The following DGKB variants were observed in gnomAD, a reference collection of about 807,000 sequenced individuals.
The protein encoded by DGKB is 90 kDa diacylglycerol kinase.
DGKB carries 67 observed loss-of-function variants against 114.3 expected under a neutral mutation model. That is an observed-to-expected ratio of 0.59 (90% CI 0.48 to 0.72). The LOEUF (loss-of-function observed/expected upper bound fraction) is 0.72. DGKB is among the 30% of genes least tolerant of loss of function. The pLI is 0.00. For missense variants in DGKB, 907 were observed against 975.2 expected, an observed-to-expected ratio of 0.93 and a Z score of 0.93; for synonymous variants, 398 against 323.1, an observed-to-expected ratio of 1.23 and a Z score of -2.49.
chr7:14,819,628 A>G (rs1197687022), intron 2 of DGKB, among the ~76,000 whole-genome samples: 1 of 152,104 alleles, frequency 6.6e-6, no homozygotes. Flanking sequence ...AATTGCTAGT[A>G]CTACATCCCT....
chr7:14,494,090 C>T (rs998451306), intron 20 of DGKB, among the ~76,000 whole-genome samples: 5 of 151,944 alleles, frequency 3.3e-5, no homozygotes. Context: ...GTATTAGCTT[C>T]AATGTTTCAA....
At chr7:14,246,986 TC>T (rs949111048) in intron 23 of DGKB, among the ~76,000 whole-genome samples, 2 of 152,134 alleles carry the variant, frequency 1.3e-5, no homozygotes, top group Admixed American at 1.3e-4. Flanking sequence ...TATCCTAATT[TC>T]CCCAACTGCT....
chr7:14,953,569 A>C (rs1015162119), intron 1 of DGKB, among the ~76,000 whole-genome samples: 1 of 152,090 alleles, frequency 6.6e-6, no homozygotes, highest in South Asian at 2.1e-4. Context: ...ATAAATGGAG[A>C]TATTAGAAAA....
intron 2 of DGKB, among the ~76,000 whole-genome samples, chr7:14,788,242 C>A (rs1453057413): frequency 6.6e-6 from 1 of 152,192 alleles, no homozygotes; most frequent in South Asian, 2.1e-4. Context: ...CAGAAAGAGC[C>A]CCATCCCTGA....
chr7:14,521,601 TTTAATTTAAAGTAATTG>T (rs1477404728), intron 20 of DGKB, among the ~76,000 whole-genome samples: 1 of 152,218 alleles, frequency 6.6e-6, no homozygotes, highest in East Asian at 1.9e-4. Flanking sequence ...TTCCCAGTTG[TTTAATTTAAAGTAATTG>T]TTATATCTTT....
chr7:14,490,764 C>T (rs577099417), intron 20 of DGKB, among the ~76,000 whole-genome samples: 2 of 152,214 alleles, frequency 1.3e-5, no homozygotes, highest in Middle Eastern at 6.8e-3. Context: ...TTATTCAGCG[C>T]TTCATTCCTG....
intron 23 of DGKB, among the ~76,000 whole-genome samples, chr7:14,293,193 A>G (rs1320819770): frequency 6.6e-6 from 1 of 152,186 alleles, no homozygotes; most frequent in Non-Finnish European, 1.5e-5. Flanking sequence ...TTATTGAATA[A>G]TTTGGGAATA....
chr7:14,736,155 A>T lies in DGKB; in HGVS notation c.208T>A (p.Phe70Ile), dbSNP rs777774130. 2 of 1,606,982 alleles carry T rather than the reference A, an allele frequency of 1.2e-6. No homozygotes were observed. Among genetic ancestry groups the T allele is most frequent in the South Asian group, 1.1e-5 (1 of 90,070 alleles). ...TCATCAGGAAGCTCGGCTTCCAGGA[A>T]TGTCTTCATGAATAGTTTGAAACCT... ...FEGFKLFMKT[F>I]LEAELPDDFT... is the part of the protein sequence containing the mutation. Residue 70 changes from phenylalanine (F) to isoleucine (I), a missense_variant, in exon 5 of 26, where the codon TTC becomes ATC. By Grantham distance (21) the Phe-to-Ile change is conservative. Transcript: ENST00000402815.
At chr7:14,372,543 T>A (rs1416781318) in intron 21 of DGKB, among the ~76,000 whole-genome samples, 3 of 152,180 alleles carry the variant, frequency 2.0e-5, no homozygotes, top group Non-Finnish European at 2.9e-5. Context: ...AAGTACCACC[T>A]TGATAAATAT....
intron 23 of DGKB, among the ~76,000 whole-genome samples, chr7:14,321,464 A>G (rs1349440013): frequency 6.6e-6 from 1 of 152,164 alleles, no homozygotes; most frequent in African/African-American, 2.4e-5. Context: ...TGTATCCATA[A>G]AAGTATACAA....
At chr7:14,218,569 G>A (rs1288122541) in intron 23 of DGKB, among the ~76,000 whole-genome samples, 1 of 152,008 alleles carries the variant, frequency 6.6e-6, no homozygotes, top group Non-Finnish European at 1.5e-5. Flanking sequence ...ATGAATACCT[G>A]ATCTGCTTTG....
chr7:14,843,580 C>T lies in DGKB; in HGVS notation c.-187-2130G>A, dbSNP rs192109214. Among the ~76,000 whole-genome samples the T allele has an allele frequency of 8.3e-3, 1,261 of 151,446 alleles. 19 individuals are homozygous for T. Among genetic ancestry groups the T allele is most frequent in the African/African-American group, 0.029 (1,188 of 41,280 alleles). The stretch of plus-strand genomic sequence containing the variant: ...CGATCTCCTGACCTCATGATCCACC[C>T]GCCTCGGCCTCCCAAAGTGCTGGGA... On this transcript the variant is annotated intron_variant, in intron 1 of 25. Coordinates refer to ENST00000402815, the MANE Select transcript of DGKB (RefSeq NM_001350709.2).
At chr7:14,384,153 G>C (rs978978796) in intron 21 of DGKB, among the ~76,000 whole-genome samples, 1 of 152,134 alleles carries the variant, frequency 6.6e-6, no homozygotes, top group Non-Finnish European at 1.5e-5. Context: ...ATTTACGTAA[G>C]TACATTTTTA....
chr7:14,603,459 T>A (rs1006928682), intron 17 of DGKB, among the ~76,000 whole-genome samples: 3 of 152,152 alleles, frequency 2.0e-5, no homozygotes, highest in Non-Finnish European at 4.4e-5. Flanking sequence ...GCTCTGATTT[T>A]CCTTAAATAA....
intron 21 of DGKB, among the ~76,000 whole-genome samples, chr7:14,471,609 T>C (rs1781412980): frequency 6.6e-6 from 1 of 151,582 alleles, no homozygotes; most frequent in African/African-American, 2.4e-5. Flanking sequence ...TTTGTTTGTT[T>C]TGCATTGCTG....
rs541222766 is a variant in DGKB, at chr7:14,766,283, C to T, written c.71-8552G>A. Among the ~76,000 whole-genome samples, 14 of 151,974 alleles carry T rather than the reference C, an allele frequency of 9.2e-5. No homozygotes were observed. In the South Asian group the frequency reaches 2.3e-3, roughly 25 times the overall value. On this transcript the variant is annotated intron_variant, in intron 2 of 25. Coordinates refer to ENST00000402815, the MANE Select transcript of DGKB (RefSeq NM_001350709.2). ...AAGAAGATAGATTACAAACATAATA[C>T]ATTATTAAGACAATCTTATATCAAT...
chr7:14,284,076 C>T (rs370348699), intron 23 of DGKB, among the ~76,000 whole-genome samples: 1 of 152,040 alleles, frequency 6.6e-6, no homozygotes, highest in East Asian at 1.9e-4. Context: ...AGTGAACAGG[C>T]AACCTACAAA....
intron 1 of DGKB, among the ~76,000 whole-genome samples, chr7:14,960,326 T>C (rs1435487890): frequency 6.6e-6 from 1 of 152,102 alleles, no homozygotes; most frequent in Non-Finnish European, 1.5e-5. Flanking sequence ...AATCTGAATT[T>C]TTTATACTAC....
At chr7:14,770,318 T>A (rs1047919590) in intron 2 of DGKB, among the ~76,000 whole-genome samples, 5 of 152,040 alleles carry the variant, frequency 3.3e-5, no homozygotes, top group African/African-American at 1.2e-4. Flanking sequence ...GGCTTCATAC[T>A]GTGGTATAGC....
Sources: allele counts gnomAD v4.1 joint callset (sites outside exome capture counted in the v4.1 genomes callset), GRCh38; gene constraint gnomAD v4.1.1; transcripts MANE v1.5; gene names NCBI Gene and HGNC (gene_info 2026-07-23, HGNC 2026-07-21).